The following FHIP1A variants were observed in gnomAD, a reference collection of about 807,000 sequenced individuals.
FHIP1A encodes the protein FHF complex subunit HOOK-interacting protein 1A.
A neutral mutation model predicts 88.6 loss-of-function variants in FHIP1A; 61 were observed. The observed-to-expected ratio is 0.69, with a 90% CI of 0.56 to 0.85. The LOEUF is 0.85. FHIP1A is among the 40% of genes least tolerant of loss of function. The pLI, the probability that FHIP1A is intolerant of heterozygous loss-of-function variation, is 0.00. For missense variants in FHIP1A, 1,154 were observed against 1,273.5 expected (o/e 0.91, Z 1.43); for synonymous variants, 478 against 496.0 (o/e 0.96, Z 0.48).
chr4:151,505,265 G>T (rs1730792021), intron 3 of FHIP1A, among the ~76,000 whole-genome samples: 1 of 152,156 alleles, frequency 6.6e-6, no homozygotes, highest in Non-Finnish European at 1.5e-5. Flanking sequence ...CTAGGCCTGG[G>T]TCACATTGCC....
chr4:151,417,296 T>C (rs766613153), intron 1 of FHIP1A, among the ~76,000 whole-genome samples: 2 of 152,050 alleles, frequency 1.3e-5, no homozygotes, highest in African/African-American at 2.4e-5. Flanking sequence ...CCTATGTAAA[T>C]GAAGTAGTGG....
intron 8 of FHIP1A, among the ~76,000 whole-genome samples, chr4:151,630,615 C>T (rs1342669621): frequency 6.6e-6 from 1 of 151,684 alleles, no homozygotes. Flanking sequence ...AAGAAAATAA[C>T]TAAAAAAAGT....
At chr4:151,459,608 A>G (rs2126596842) in intron 2 of FHIP1A, among the ~76,000 whole-genome samples, 1 of 152,330 alleles carries the variant, frequency 6.6e-6, no homozygotes, top group Admixed American at 6.5e-5. Flanking sequence ...CAAGTGATTT[A>G]TGTTTAGCAA....
At chr4:151,506,619 T>C (rs1730846802) in intron 3 of FHIP1A, among the ~76,000 whole-genome samples, 1 of 152,064 alleles carries the variant, frequency 6.6e-6, no homozygotes, top group South Asian at 2.1e-4. Flanking sequence ...GTACCGGGCT[T>C]TTTTTAACAG....
At chr4:151,455,910 C>T (rs1242533194) in intron 2 of FHIP1A, among the ~76,000 whole-genome samples, 1 of 152,146 alleles carries the variant, frequency 6.6e-6, no homozygotes, top group Non-Finnish European at 1.5e-5. Context: ...CTGTTGAAAG[C>T]AGTCTGGAAT....
chr4:151,611,226 G>C (rs1735314516), intron 7 of FHIP1A, among the ~76,000 whole-genome samples: 1 of 152,056 alleles, frequency 6.6e-6, no homozygotes, highest in Non-Finnish European at 1.5e-5. Context: ...CACAGGGGTG[G>C]GTGGTGGTGT....
chr4:151,577,314 C>G (rs939799063), intron 4 of FHIP1A, 136 bp from the exon 5 acceptor site: 74 of 720,078 alleles, frequency 1.0e-4, no homozygotes. Flanking sequence ...CACACACACA[C>G]ACACACAATG....
intron 4 of FHIP1A, among the ~76,000 whole-genome samples, chr4:151,572,461 G>A (rs1733633741): frequency 6.6e-6 from 1 of 152,176 alleles, no homozygotes; most frequent in Non-Finnish European, 1.5e-5. Context: ...TTATAAAGCT[G>A]TTATCTTAAT....
At chr4:151,499,500 C>G (rs1299929817) in intron 3 of FHIP1A, among the ~76,000 whole-genome samples, 1 of 152,140 alleles carries the variant, frequency 6.6e-6, no homozygotes, top group Non-Finnish European at 1.5e-5. Context: ...TATTCCTGAC[C>G]AGATTCTGAA....
intron 7 of FHIP1A, among the ~76,000 whole-genome samples, chr4:151,619,537 G>A (rs1274205468): frequency 2.6e-5 from 4 of 152,166 alleles, no homozygotes; most frequent in African/African-American, 9.7e-5. Context: ...ATGAGTCTTA[G>A]TGTTAAAAAG....
chr4:151,659,310 TGA>T (rs1196277459), intron 13 of FHIP1A, among the ~76,000 whole-genome samples: 1 of 152,242 alleles, frequency 6.6e-6, no homozygotes, highest in Non-Finnish European at 1.5e-5. Context: ...ACTGACAGAA[TGA>T]GAGTTTCCTG....
At chr4:151,564,992 A>G (rs1733327307) in intron 3 of FHIP1A, among the ~76,000 whole-genome samples, 1 of 151,998 alleles carries the variant, frequency 6.6e-6, no homozygotes, top group South Asian at 2.1e-4. Context: ...ACTTTCTCCC[A>G]TCTTACTGTT....
At chr4:151,417,376 G>A (rs946885557) in intron 1 of FHIP1A, among the ~76,000 whole-genome samples, 1 of 152,148 alleles carries the variant, frequency 6.6e-6, no homozygotes, top group Non-Finnish European at 1.5e-5. Flanking sequence ...AAGTTACAGA[G>A]TTACACCCTA....
At chr4:151,482,810 G>A (rs953112001) in intron 3 of FHIP1A, among the ~76,000 whole-genome samples, 162 bp downstream of exon 3, 1 of 151,782 alleles carries the variant, frequency 6.6e-6, no homozygotes, top group African/African-American at 2.4e-5. Flanking sequence ...TATCCTCTAT[G>A]TGAAGCATTT....
chr4:151,667,946 TGTGCTGCTTA>T lies in FHIP1A; in HGVS notation c.*5196_*5205del, dbSNP rs1245179385. On this transcript the variant is annotated 3_prime_UTR_variant, in exon 14 of 14. Coordinates refer to ENST00000435205, the MANE Select transcript of FHIP1A (RefSeq NM_001109977.3). ...TCATGGAACGGAGGCTGCAGAAGTC[TGTGCTGCTTA>T]GTGTGTCAGCTGACTTTTTACTGGG... Among the ~76,000 whole-genome samples, 5 of 152,218 alleles carry T rather than the reference TGTGCTGCTTA, an allele frequency of 3.3e-5. No homozygotes were observed. Among genetic ancestry groups the T allele is most frequent in the Non-Finnish European group, 7.3e-5 (5 of 68,044 alleles).
chr4:151,427,517 CAT>C (rs1175748907), intron 1 of FHIP1A, among the ~76,000 whole-genome samples: 1 of 152,096 alleles, frequency 6.6e-6, no homozygotes, highest in African/African-American at 2.4e-5. Context: ...GACACAAAAA[CAT>C]GTGGGCAAGT....
Position 151,656,827 on chromosome 4 carries a change from T to C in FHIP1A, c.2798T>C (p.Leu933Pro), listed in dbSNP as rs1190726617. The change falls in exon 13 of 14, where the codon CTC becomes CCC. Residue 933 changes from leucine (L) to proline (P), a missense_variant. Physicochemically the swap from Leu to Pro is moderately conservative, Grantham distance 98. Transcript: ENST00000435205. This position sits in a 1 kb window ranked among gnomAD's most constrained non-coding sequence, Gnocchi z 4.2. ...ASVERDFPGL[L>P]IQAQQYLLFR... ...GTGGAGAGAGACTTCCCAGGGCTCCTCATTCAAGCTCAGCAGTACCTGCTC... is the reference window on the plus strand; with the variant it reads ...GTGGAGAGAGACTTCCCAGGGCTCCCCATTCAAGCTCAGCAGTACCTGCTC... The C allele has an allele frequency of 6.4e-7, 1 of 1,551,704 alleles. No homozygotes were observed. Among genetic ancestry groups the C allele is most frequent in the Non-Finnish European group, 8.7e-7 (1 of 1,146,966 alleles).
Position 151,663,123 on chromosome 4 carries a change from C to A in FHIP1A, c.*369C>A. Reference sequence around the variant, plus strand: ...TGTCTGGTGATGTCTGGAAGTGCCCCATGTCAGAATTCCAGCTGTTCAGCA... The same window carrying A: ...TGTCTGGTGATGTCTGGAAGTGCCCAATGTCAGAATTCCAGCTGTTCAGCA... On this transcript the variant is annotated 3_prime_UTR_variant, in exon 14 of 14. Coordinates refer to ENST00000435205, the MANE Select transcript of FHIP1A (RefSeq NM_001109977.3). 1 of 167,504 alleles carries A rather than the reference C, an allele frequency of 6.0e-6. No homozygotes were observed. The highest frequency in any genetic ancestry group is 1.3e-5 in the Non-Finnish European group (1 of 78,400). 10.4% of individuals were successfully genotyped at this position (167,504 alleles called of 1,614,324 possible).
intron 11 of FHIP1A, among the ~76,000 whole-genome samples, chr4:151,653,839 G>T (rs1737125268): frequency 6.6e-6 from 1 of 152,160 alleles, no homozygotes; most frequent in Non-Finnish European, 1.5e-5. Flanking sequence ...CTCGATGGAG[G>T]CAGGGGAACG....
Sources: allele counts gnomAD v4.1 joint callset (sites outside exome capture counted in the v4.1 genomes callset), GRCh38; gene constraint gnomAD v4.1.1; non-coding constraint Gnocchi (gnomAD v3.1); transcripts MANE v1.5; gene names NCBI Gene and HGNC (gene_info 2026-07-23, HGNC 2026-07-21).